GPC6: variants seen among roughly 807,000 people sequenced by gnomAD.
The protein encoded by GPC6 is glypican 6.
Under a neutral mutation model 55.2 loss-of-function variants are expected in GPC6, and 14 were observed. The ratio of observed to expected loss-of-function variants is 0.25; its 90% CI spans 0.17 to 0.40. GPC6 has a LOEUF of 0.40. Among genes scored for constraint, GPC6 ranks in the 10% least tolerant of loss-of-function variants. The probability of loss-of-function intolerance (pLI) is 1.00; values close to 1 mark genes in which losing one functional copy is unlikely to be tolerated. For missense variants in GPC6, 641 were observed against 708.5 expected (o/e 0.90, Z 1.08); for synonymous variants, 278 against 259.6 (o/e 1.07, Z -0.68).
At chr13:93,736,817 C>T (rs1456848226) in intron 2 of GPC6, among the ~76,000 whole-genome samples, 1 of 152,104 alleles carries the variant, frequency 6.6e-6, no homozygotes, top group Non-Finnish European at 1.5e-5. Context: ...ACATGCACTT[C>T]TGAAATTATG....
intron 1 of GPC6, among the ~76,000 whole-genome samples, chr13:93,522,646 G>A (rs1452658788): frequency 6.6e-6 from 1 of 151,662 alleles, no homozygotes; most frequent in Non-Finnish European, 1.5e-5. Context: ...TGCTTCAGAG[G>A]AGATGAGCTA....
intron 3 of GPC6, among the ~76,000 whole-genome samples, chr13:93,906,011 A>T (rs973735250): frequency 1.3e-5 from 2 of 152,168 alleles, no homozygotes; most frequent in African/African-American, 4.8e-5. Context: ...TTGCATTAGA[A>T]ATCTTAGGTT....
Position 94,405,009 on chromosome 13 carries a change from G to C in GPC6, c.*1792G>C, listed in dbSNP as rs184597485. 1 of 152,106 alleles carries C rather than the reference G, an allele frequency of 6.6e-6. No homozygotes were observed. Among genetic ancestry groups the C allele is most frequent in the Non-Finnish European group, 1.5e-5 (1 of 68,018 alleles). 9.4% of individuals were successfully genotyped at this position (152,106 alleles called of 1,614,324 possible). A position where few individuals can be genotyped will look rare whatever the true frequency, so the allele number is the denominator to read the frequency against. Reference sequence around the variant, plus strand: ...CCAGTTACATTTTAATTAACTCATCGACAGTATTGACACGTAAATGGTATT... The same window carrying C: ...CCAGTTACATTTTAATTAACTCATCCACAGTATTGACACGTAAATGGTATT... On this transcript the variant is annotated 3_prime_UTR_variant, in exon 9 of 9. Coordinates refer to ENST00000377047, the MANE Select transcript of GPC6 (RefSeq NM_005708.5).
intron 6 of GPC6, among the ~76,000 whole-genome samples, chr13:94,371,695 C>G (rs1043100473): frequency 6.6e-6 from 1 of 152,136 alleles, no homozygotes; most frequent in Admixed American, 6.5e-5. Flanking sequence ...GTCTCTTTCC[C>G]AACTTTTCAT....
intron 3 of GPC6, among the ~76,000 whole-genome samples, chr13:94,022,385 A>G (rs569485665): frequency 2.6e-5 from 4 of 152,088 alleles, no homozygotes; most frequent in East Asian, 3.9e-4. Flanking sequence ...ATAATGTCCT[A>G]TATGTCCATT....
At chr13:93,269,097 T>C (rs1334848575) in intron 1 of GPC6, among the ~76,000 whole-genome samples, 1 of 152,206 alleles carries the variant, frequency 6.6e-6, no homozygotes, top group African/African-American at 2.4e-5. Flanking sequence ...TGTTTTATCA[T>C]TGAAACAGAG....
intron 1 of GPC6, among the ~76,000 whole-genome samples, chr13:93,295,434 C>T (rs1368983743): frequency 6.6e-6 from 1 of 151,612 alleles, no homozygotes; most frequent in Non-Finnish European, 1.5e-5. Flanking sequence ...CAGAAGAGAT[C>T]GAAAAAGCAA....
intron 3 of GPC6, among the ~76,000 whole-genome samples, chr13:93,932,973 C>CTTTTTTTTTTTTTTTTTTTTGT (rs59362571): frequency 9.8e-6 from 1 of 102,382 alleles, no homozygotes; most frequent in African/African-American, 3.6e-5. Flanking sequence ...TTGTTTTGTT[C>CTTTTTTTTTTTTTTTTTTTTGT]TTTTTTTTTT....
chr13:93,612,500 AACACACACACACACACACACACAC>A (rs3138575), intron 2 of GPC6, among the ~76,000 whole-genome samples: 2 of 139,296 alleles, frequency 1.4e-5, no homozygotes, highest in Non-Finnish European at 1.5e-5. Context: ...CTCCGTCTAA[AACACACACACACACACACACACAC>A]ACACACACAC....
intron 2 of GPC6, among the ~76,000 whole-genome samples, chr13:93,576,730 T>C (rs2139482560): frequency 6.6e-6 from 1 of 152,256 alleles, no homozygotes; most frequent in South Asian, 2.1e-4. Context: ...ATAGTGCTAC[T>C]ACAAGCTGAG....
intron 4 of GPC6, among the ~76,000 whole-genome samples, chr13:94,106,838 A>G (rs752539693): frequency 6.6e-6 from 1 of 152,112 alleles, no homozygotes; most frequent in Admixed American, 6.6e-5. Context: ...TCTTCCTGGA[A>G]GATGGATAAG....
chr13:93,844,277 T>A (rs1367167640), intron 3 of GPC6, among the ~76,000 whole-genome samples: 1 of 152,138 alleles, frequency 6.6e-6, no homozygotes, highest in Non-Finnish European at 1.5e-5. Flanking sequence ...TAGCTGGGAC[T>A]ACAGGCATGC....
At chr13:93,743,770 T>A (rs1283692386) in intron 2 of GPC6, among the ~76,000 whole-genome samples, 4 of 152,154 alleles carry the variant, frequency 2.6e-5, no homozygotes, top group African/African-American at 4.8e-5. Flanking sequence ...ATAGAAACAA[T>A]TCAAGAATGT....
rs1271008047 is a variant in GPC6 at position 93,893,059 on chromosome 13, A to ATT, written c.711+62530_711+62531dup. On this transcript the variant is annotated intron_variant, in intron 3 of 8. Coordinates refer to ENST00000377047, the MANE Select transcript of GPC6 (RefSeq NM_005708.5). ...AATTTTTGCCAGTAATAACCATTAAATTTTTTTTTTTTTTTTTGAGATGGA... is the reference window on the plus strand; with the variant it reads ...AATTTTTGCCAGTAATAACCATTAAATTTTTTTTTTTTTTTTTTTGAGATGGA... Among the ~76,000 whole-genome samples the ATT allele has an allele frequency of 9.4e-4, 134 of 142,094 alleles. 1 individual carries two copies. Among genetic ancestry groups the ATT allele is most frequent in the African/African-American group, 3.1e-3 (118 of 38,324 alleles). 93.2% of individuals were successfully genotyped at this position (142,094 alleles called of 152,430 possible).
At chr13:93,422,783 T>A (rs1047314062) in intron 1 of GPC6, among the ~76,000 whole-genome samples, 5 of 152,160 alleles carry the variant, frequency 3.3e-5, no homozygotes, top group Admixed American at 1.3e-4. Context: ...ATAGCTAAAA[T>A]TTTTTTAAAA....
At chr13:94,384,421 G>A (rs1880309999) in intron 7 of GPC6, among the ~76,000 whole-genome samples, 1 of 152,166 alleles carries the variant, frequency 6.6e-6, no homozygotes, top group Non-Finnish European at 1.5e-5. Context: ...GAGCTTCTCT[G>A]TTTCCCATCT....
At chr13:94,003,085 G>C (rs555924483) in intron 3 of GPC6, among the ~76,000 whole-genome samples, 1 of 152,274 alleles carries the variant, frequency 6.6e-6, no homozygotes, top group East Asian at 1.9e-4. Context: ...ATAGTCTGAA[G>C]GCACAGCTAA....
chr13:93,650,564 A>G (rs932223366), intron 2 of GPC6, among the ~76,000 whole-genome samples: 1 of 152,162 alleles, frequency 6.6e-6, no homozygotes, highest in Non-Finnish European at 1.5e-5. Flanking sequence ...AGACAGTTTC[A>G]TGATAGAAAT....
At chr13:93,673,671 T>G (rs912330377) in intron 2 of GPC6, among the ~76,000 whole-genome samples, 3 of 152,136 alleles carry the variant, frequency 2.0e-5, no homozygotes, top group African/African-American at 7.2e-5. Flanking sequence ...TACAGGATAC[T>G]TTTTTGTATG....
Sources: gnomAD v4.1 joint callset for allele counts (sites outside exome capture counted in the v4.1 genomes callset) on GRCh38, gnomAD v4.1.1 for gene constraint, MANE v1.5 for transcripts, NCBI Gene and HGNC (gene_info 2026-07-23, HGNC 2026-07-21) for gene names.